CEMIP: variants seen among roughly 807,000 people sequenced by gnomAD.
CEMIP encodes cell migration inducing hyaluronidase 1.
In CEMIP, 105 loss-of-function variants were observed where a neutral mutation model predicts 156.9. The observed-to-expected ratio is 0.67, with a 90% confidence interval of 0.57 to 0.79. The LOEUF is 0.79. Ranked by LOEUF, CEMIP falls within the 30% of genes least tolerant of loss-of-function variation. The pLI is 0.00. For synonymous variants in CEMIP, 676 were observed against 668.4 expected (o/e 1.01, Z -0.17); for missense variants, 1,457 against 1,769.4 (o/e 0.82, Z 3.17).
At chr15:80,834,936 C>CA (rs930403823) in intron 1 of CEMIP, among the ~76,000 whole-genome samples, 1 of 151,958 alleles carries the variant, frequency 6.6e-6, no homozygotes, top group Admixed American at 6.5e-5. Flanking sequence ...GTCTCTTTCT[C>CA]AAAAAAATAT....
chr15:80,798,149 G>A lies in CEMIP; in HGVS notation c.-176+18535G>A, dbSNP rs139330479. On this transcript the variant is annotated intron_variant, in intron 1 of 29. Coordinates refer to ENST00000394685, the MANE Select transcript of CEMIP (RefSeq NM_001293298.2). ...CTTATCACTTGGAAAGTACAGAAAT[G>A]AAAAAGAAAAACCCATAATCCTACT... 3.3e-3 allele frequency among the ~76,000 whole-genome samples: 508 copies of A among 152,162 alleles called. 3 individuals are homozygous for A. The highest frequency in any genetic ancestry group is 0.012 in the African/African-American group (480 of 41,530).
intron 1 of CEMIP, among the ~76,000 whole-genome samples, chr15:80,865,055 T>C (rs1478636965): frequency 1.3e-5 from 2 of 152,214 alleles, no homozygotes; most frequent in South Asian, 2.1e-4. Context: ...AGCTGTTCCA[T>C]AGAAGTCTCT....
intron 1 of CEMIP, among the ~76,000 whole-genome samples, chr15:80,820,244 C>T (rs1896878720): frequency 6.6e-6 from 1 of 152,082 alleles, no homozygotes. Context: ...GTGCTGCTAC[C>T]CAGACTGGTC....
At chr15:80,935,099 C>A (rs368980625) in intron 23 of CEMIP, among the ~76,000 whole-genome samples, 1 of 152,052 alleles carries the variant, frequency 6.6e-6, no homozygotes, top group East Asian at 1.9e-4. Flanking sequence ...CTGGGAGAGG[C>A]GGAGCTGTGC....
At chr15:80,782,110 G>A (rs1895814092) in intron 1 of CEMIP, among the ~76,000 whole-genome samples, 1 of 152,188 alleles carries the variant, frequency 6.6e-6, no homozygotes, top group African/African-American at 2.4e-5. Flanking sequence ...TACACTACTT[G>A]GAGGAAAGAT....
At chr15:80,831,757 T>G (rs1897162474) in intron 1 of CEMIP, among the ~76,000 whole-genome samples, 1 of 152,136 alleles carries the variant, frequency 6.6e-6, no homozygotes, top group Non-Finnish European at 1.5e-5. Flanking sequence ...GCAACTGTGG[T>G]GGTGAAGGTC....
At chr15:80,903,427 A>G (rs1294207799) in intron 12 of CEMIP, among the ~76,000 whole-genome samples, 3 of 152,184 alleles carry the variant, frequency 2.0e-5, no homozygotes, top group Non-Finnish European at 4.4e-5. Flanking sequence ...CAAAGTGGAG[A>G]AAGCTTGCTG....
intron 23 of CEMIP, among the ~76,000 whole-genome samples, chr15:80,934,771 G>A (rs891928244): frequency 4.6e-5 from 7 of 152,160 alleles, no homozygotes; most frequent in African/African-American, 1.4e-4. Context: ...AGGTGCCAGA[G>A]TAGGTGGCAG....
At chr15:80,800,830 C>A (rs1896357530) in intron 1 of CEMIP, among the ~76,000 whole-genome samples, 1 of 152,210 alleles carries the variant, frequency 6.6e-6, no homozygotes, top group Admixed American at 6.5e-5. Flanking sequence ...CTTCTAATAA[C>A]TTTCCAAAAA....
At chr15:80,900,347 G>A (rs556046065) in intron 12 of CEMIP, among the ~76,000 whole-genome samples, 196 of 152,220 alleles carry the variant, frequency 1.3e-3, no homozygotes, top group Non-Finnish European at 2.4e-3. Flanking sequence ...TCCAGGCCCC[G>A]AGTACCAAGC....
rs1900998975 is a variant in CEMIP at position 80,933,373 on chromosome 15, G to A, written c.2922G>A (p.Thr974=). 9 of 1,614,176 alleles carry A rather than the reference G, an allele frequency of 5.6e-6. No individual in the cohort carries two copies. The highest frequency in any genetic ancestry group is 4.5e-5 in the East Asian group (2 of 44,874). The change falls in exon 23 of 30, where the codon ACG becomes ACA. Residue 974 remains threonine (T), a synonymous_variant. Transcript: ENST00000394685. The stretch of plus-strand genomic sequence containing the variant: ...CCGAGTACCCTGGCTCCTACCTCAC[G>A]AAGAATGACAACTGGCTGGTCCGGC... ...SVSEYPGSYL[T]KNDNWLVRHP...
At chr15:80,786,625 A>C (rs1895946525) in intron 1 of CEMIP, among the ~76,000 whole-genome samples, 2 of 151,224 alleles carry the variant, frequency 1.3e-5, no homozygotes, top group Non-Finnish European at 2.9e-5. Flanking sequence ...AAAATTGAAA[A>C]CCAGAATTAA....
Position 80,881,047 on chromosome 15 carries a change from A to G in CEMIP, c.528A>G (p.Gly176=). The G allele has an allele frequency of 6.2e-7, 1 of 1,614,164 alleles. No individual in the cohort carries two copies. The highest frequency in any genetic ancestry group is 1.3e-5 in the African/African-American group (1 of 75,042). The stretch of plus-strand genomic sequence containing the variant: ...TTCACCCAGGTGGCATGGCAGAAGG[A>G]GGCTATTTTTTTGAAAGGAGCTGGG... ...KTLHPGGMAE[G]GYFFERSWGH... The change falls in exon 6 of 30, where the codon GGA becomes GGG. Residue 176 remains glycine, a synonymous_variant. Coordinates refer to ENST00000394685, the MANE Select transcript of CEMIP (RefSeq NM_001293298.2).
chr15:80,843,951 C>T (rs773031058), intron 1 of CEMIP, among the ~76,000 whole-genome samples: 2 of 152,238 alleles, frequency 1.3e-5, no homozygotes, highest in Non-Finnish European at 2.9e-5. Context: ...CCAGTCATTG[C>T]CCGAGGCTTC....
At chr15:80,853,008 G>A (rs960207306) in intron 1 of CEMIP, among the ~76,000 whole-genome samples, 7 of 152,192 alleles carry the variant, frequency 4.6e-5, no homozygotes, top group Non-Finnish European at 7.3e-5. Flanking sequence ...GATACCAGGT[G>A]AGTCAGGAGA....
At position 80,951,052 on chromosome 15, in the gene CEMIP, AG is replaced by A. The variant is rs1240528036; in HGVS notation, c.*2130del. 3 of 152,644 alleles carry A rather than the reference AG, an allele frequency of 2.0e-5. No individual in the cohort carries two copies. Among genetic ancestry groups the A allele is most frequent in the African/African-American group, 4.8e-5 (2 of 41,438 alleles). The allele number at this position is 152,644 out of a possible 1,614,324, so 9.5% of individuals were successfully genotyped here. On this transcript the variant is annotated 3_prime_UTR_variant, in exon 30 of 30. Coordinates refer to ENST00000394685, the MANE Select transcript of CEMIP (RefSeq NM_001293298.2). ...GCTTTTAAAGATATGGCTGCTTCAA[AG>A]GCCAGAGTCACAGGAAGGACTTCTT... is the stretch of plus-strand genomic sequence containing the variant.
Position 80,829,988 on chromosome 15 carries a change from G to GTGTGTGTT in CEMIP, c.-175-43543_-175-43542insTTGTGTGT, listed in dbSNP as rs1897121839. On this transcript the variant is annotated intron_variant, in intron 1 of 29. Coordinates refer to ENST00000394685, the MANE Select transcript of CEMIP (RefSeq NM_001293298.2). ...CGGGTGTGTGTGTGTGTGTGTGTGT[G>GTGTGTGTT]TGTGTGTGTGTGTGCGCGCATGTCC... 2.2e-5 allele frequency among the ~76,000 whole-genome samples: 3 copies of GTGTGTGTT among 136,024 alleles called. No homozygotes were observed. In the South Asian group the frequency reaches 7.2e-4, roughly 33 times the overall value. 89.2% of individuals were successfully genotyped at this position (136,024 alleles called of 152,430 possible).
intron 1 of CEMIP, among the ~76,000 whole-genome samples, chr15:80,871,930 G>C (rs1898306781): frequency 6.6e-6 from 1 of 152,198 alleles, no homozygotes; most frequent in African/African-American, 2.4e-5. Context: ...GGGCCCTGTT[G>C]TTCTCGGCAG....
intron 1 of CEMIP, among the ~76,000 whole-genome samples, chr15:80,794,740 G>A (rs2141587045): frequency 6.6e-6 from 1 of 152,304 alleles, no homozygotes; most frequent in African/African-American, 2.4e-5. Context: ...GCCACAGGCG[G>A]CTAGTGGAAC....
Sources: gnomAD v4.1 joint callset for allele counts (sites outside exome capture counted in the v4.1 genomes callset) on GRCh38, gnomAD v4.1.1 for gene constraint, MANE v1.5 for transcripts, NCBI Gene and HGNC (gene_info 2026-07-23, HGNC 2026-07-21) for gene names.